ASPRV1: variants seen among roughly 807,000 people sequenced by gnomAD.
ASPRV1 encodes the protein aspartic peptidase retroviral like 1.
A neutral mutation model predicts 11.0 loss-of-function variants in ASPRV1; 7 were observed. That is an observed-to-expected ratio of 0.64 (90% CI 0.36 to 1.20). The LOEUF (loss-of-function observed/expected upper bound fraction) is 1.20, where lower values mean the gene tolerates loss of function less well. Ranked by LOEUF, ASPRV1 falls within the 50% of genes most tolerant of loss-of-function variation. The pLI is 0.02. For synonymous variants in ASPRV1, 136 were observed against 138.4 expected, an observed-to-expected ratio of 0.98 and a Z score of 0.12; for missense variants, 299 against 320.0, an observed-to-expected ratio of 0.93 and a Z score of 0.50.
chr2:69,974,820 G>T, the ASPRV1 span, among the ~76,000 whole-genome samples: 2 of 152,200 alleles, frequency 1.3e-5, no homozygotes, highest in African/African-American at 4.8e-5. Flanking sequence ...ATAGTTTTGG[G>T]TAATGACAAT....
chr2:69,933,549 A>C, the ASPRV1 span, among the ~76,000 whole-genome samples: 6 of 152,180 alleles, frequency 3.9e-5, no homozygotes, highest in Non-Finnish European at 8.8e-5. Flanking sequence ...TAGCTCAGAA[A>C]TGAATGCTGT....
At chr2:70,017,466 AG>A in the ASPRV1 span, among the ~76,000 whole-genome samples, 1 of 151,638 alleles carries the variant, frequency 6.6e-6, no homozygotes, top group African/African-American at 2.4e-5. Context: ...TTTTTTCGTA[AG>A]ATTAGTAATA....
the ASPRV1 span, among the ~76,000 whole-genome samples, chr2:69,998,370 G>A: frequency 6.6e-6 from 1 of 152,022 alleles, no homozygotes; most frequent in South Asian, 2.1e-4. Context: ...AAAGAACCTA[G>A]CAAATCTGAA....
At position 69,961,617 on chromosome 2, in the gene ASPRV1, G is replaced by A; in HGVS notation, c.-181C>T. 2 of 1,608,770 alleles carry A rather than the reference G, an allele frequency of 1.2e-6. No individual in the cohort carries two copies. Among genetic ancestry groups the A allele is most frequent in the Non-Finnish European group, 1.7e-6 (2 of 1,176,976 alleles). On this transcript the variant is annotated 5_prime_UTR_variant, in exon 1 of 1. Transcript: ENST00000320256. The stretch of plus-strand genomic sequence containing the variant: ...TCGGCTGGCTGACTGCTGGGGCAGA[G>A]GCAGGCAGTGCTGTGGCCTGTTCAC...
At chr2:70,054,576 CAATAAATAAATA>C in the ASPRV1 span, among the ~76,000 whole-genome samples, 236 of 149,176 alleles carry the variant, frequency 1.6e-3, 6 homozygotes, top group South Asian at 0.042. Flanking sequence ...GACTCCGTCT[CAATAAATAAATA>C]AATAAATAAA....
At chr2:69,941,105 A>AAT in the ASPRV1 span, 1 of 152,230 alleles carries the variant, frequency 6.6e-6, no homozygotes, top group Non-Finnish European at 1.5e-5. Context: ...GATGTGTATA[A>AAT]ATATAGGCAC....
chr2:70,054,942 T>A, the ASPRV1 span, among the ~76,000 whole-genome samples: 1 of 151,794 alleles, frequency 6.6e-6, no homozygotes, highest in Non-Finnish European at 1.5e-5. Context: ...TACATACATA[T>A]ATATACGTAC....
chr2:70,066,295 A>G, the ASPRV1 span, among the ~76,000 whole-genome samples: 4 of 151,798 alleles, frequency 2.6e-5, no homozygotes, highest in Admixed American at 2.0e-4. Context: ...CTGGAGTACA[A>G]TGGCGCAATC....
At chr2:69,942,937 T>C in the ASPRV1 span, 2 of 152,252 alleles carry the variant, frequency 1.3e-5, no homozygotes, top group South Asian at 4.1e-4. Context: ...TATTTCATTA[T>C]TAAAGAAATT....
the ASPRV1 span, among the ~76,000 whole-genome samples, chr2:70,066,496 CCCT>C: frequency 1.3e-5 from 2 of 152,072 alleles, no homozygotes; most frequent in Non-Finnish European, 2.9e-5. Flanking sequence ...GCCTTGGCCT[CCCT>C]CCTAAAGTGC....
At chr2:70,017,141 C>T in the ASPRV1 span, among the ~76,000 whole-genome samples, 2 of 152,134 alleles carry the variant, frequency 1.3e-5, no homozygotes, top group African/African-American at 4.8e-5. Context: ...CAGGTGCCCA[C>T]CACCATGCCT....
chr2:70,004,120 G>A, the ASPRV1 span, among the ~76,000 whole-genome samples: 3 of 152,312 alleles, frequency 2.0e-5, no homozygotes, highest in South Asian at 6.2e-4. Context: ...TTCTAAGGGT[G>A]AGGGTTGGCC....
chr2:70,076,746 G>A, the ASPRV1 span, among the ~76,000 whole-genome samples: 9 of 152,306 alleles, frequency 5.9e-5, no homozygotes, highest in South Asian at 1.9e-3. Context: ...AATATCTCAT[G>A]TAATTTATTA....
chr2:69,993,687 G>A, the ASPRV1 span: 1 of 152,210 alleles, frequency 6.6e-6, no homozygotes, highest in Non-Finnish European at 1.5e-5. Context: ...TTCCTAAAAG[G>A]TGGCCCATAG....
At chr2:70,005,098 G>A in the ASPRV1 span, among the ~76,000 whole-genome samples, 3 of 152,098 alleles carry the variant, frequency 2.0e-5, no homozygotes, top group Non-Finnish European at 4.4e-5. Context: ...GTCTCATTCT[G>A]TTTCCCAAGC....
chr2:69,963,364 C>G (rs1558582463), upstream of ASPRV1: 1 of 456,586 alleles, frequency 2.2e-6, no homozygotes, highest in Non-Finnish European at 4.4e-6. Context: ...ACACGCAAGA[C>G]CAGGAAGCCC....
the ASPRV1 span, among the ~76,000 whole-genome samples, chr2:70,010,860 T>G: frequency 6.6e-6 from 1 of 152,170 alleles, no homozygotes; most frequent in Non-Finnish European, 1.5e-5. Flanking sequence ...CTCTCCTCCT[T>G]CATATGCTGT....
the ASPRV1 span, among the ~76,000 whole-genome samples, chr2:70,061,017 TA>T: frequency 6.6e-6 from 1 of 152,148 alleles, no homozygotes; most frequent in Non-Finnish European, 1.5e-5. Flanking sequence ...TGGTCTTATG[TA>T]AACAAATGGG....
chr2:70,034,406 C>T, the ASPRV1 span, among the ~76,000 whole-genome samples: 1 of 151,458 alleles, frequency 6.6e-6, no homozygotes, highest in Admixed American at 6.6e-5. Context: ...CCCGTCTCTA[C>T]TAAAAATACA....
Sources: allele counts gnomAD v4.1 joint callset (sites outside exome capture counted in the v4.1 genomes callset), GRCh38; gene constraint gnomAD v4.1.1; transcripts MANE v1.5; gene names NCBI Gene and HGNC (gene_info 2026-07-23, HGNC 2026-07-21).